SLC39A10: variants seen among roughly 807,000 people sequenced by gnomAD.
The protein encoded by SLC39A10 is solute carrier family 39 member 10.
A neutral mutation model predicts 65.1 loss-of-function variants in SLC39A10; 13 were observed. The ratio of observed to expected loss-of-function variants is 0.20; its 90% CI spans 0.13 to 0.32. SLC39A10 has a LOEUF of 0.32. SLC39A10 is among the 10% of genes least tolerant of loss of function. SLC39A10 has a pLI of 1.00. For synonymous variants in SLC39A10, 321 were observed against 342.2 expected, an observed-to-expected ratio of 0.94 and a Z score of 0.68; for missense variants, 831 against 1,018.4, an observed-to-expected ratio of 0.82 and a Z score of 2.50.
intron 2 of SLC39A10, among the ~76,000 whole-genome samples, chr2:195,648,044 A>G (rs1688960870): frequency 6.6e-6 from 1 of 152,174 alleles, no homozygotes; most frequent in Non-Finnish European, 1.5e-5. Flanking sequence ...CCAGGCTAGA[A>G]TGCAGTGACA....
intron 1 of SLC39A10, among the ~76,000 whole-genome samples, chr2:195,661,411 T>G (rs1192400745): frequency 6.6e-6 from 1 of 152,182 alleles, no homozygotes; most frequent in African/African-American, 2.4e-5. Flanking sequence ...ATAGTATGTA[T>G]TTATTTATAT....
chr2:195,668,594 A>C (rs1401035574), intron 1 of SLC39A10, among the ~76,000 whole-genome samples: 1 of 152,248 alleles, frequency 6.6e-6, no homozygotes, highest in East Asian at 1.9e-4. Context: ...CATGGGTATG[A>C]AAGAAAGAAT....
rs1692557964 is a variant in SLC39A10 at position 195,735,385 on chromosome 2, A to G, written c.*344A>G. On this transcript the variant is annotated 3_prime_UTR_variant, in exon 10 of 10. Coordinates refer to ENST00000359634, the MANE Select transcript of SLC39A10 (RefSeq NM_020342.3). ...CTATGCAGAAATAGAGATCGAACCAAAAAAAATCATTTAAACTTTAAAAAT... is the reference window on the plus strand; with the variant it reads ...CTATGCAGAAATAGAGATCGAACCAGAAAAAATCATTTAAACTTTAAAAAT... The G allele has an allele frequency of 6.0e-6, 1 of 166,144 alleles. No homozygotes were observed. The highest frequency in any genetic ancestry group is 1.3e-5 in the Non-Finnish European group (1 of 77,778). The allele number at this position is 166,144 out of a possible 1,614,324, so 10.3% of individuals were successfully genotyped here. A position where few individuals can be genotyped will look rare whatever the true frequency, so the allele number is the denominator to read the frequency against.
intron 2 of SLC39A10, among the ~76,000 whole-genome samples, chr2:195,648,195 G>A (rs1559014548): frequency 3.9e-5 from 6 of 152,064 alleles, no homozygotes; most frequent in Admixed American, 3.9e-4. Flanking sequence ...AAGAGGTCTC[G>A]CTATGTTGTC....
chr2:195,683,034 G>A (rs942795755), intron 2 of SLC39A10, among the ~76,000 whole-genome samples: 20 of 152,016 alleles, frequency 1.3e-4, no homozygotes, highest in Admixed American at 1.2e-3. Context: ...CTCTTTTGCC[G>A]TAATATTAGA....
intron 1 of SLC39A10, among the ~76,000 whole-genome samples, chr2:195,674,852 C>T (rs561178264): frequency 1.4e-4 from 18 of 125,722 alleles, no homozygotes; most frequent in African/African-American, 4.2e-4. Flanking sequence ...AGTTGTGATA[C>T]AATAGTAAAT....
chr2:195,705,865 A>G (rs1325391022), intron 3 of SLC39A10, among the ~76,000 whole-genome samples: 1 of 152,160 alleles, frequency 6.6e-6, no homozygotes, highest in Non-Finnish European at 1.5e-5. Flanking sequence ...GACCTAGATA[A>G]AGACATGTAT....
At chr2:195,726,478 C>T (rs1337496158) in intron 8 of SLC39A10, among the ~76,000 whole-genome samples, 1 of 151,964 alleles carries the variant, frequency 6.6e-6, no homozygotes, top group East Asian at 1.9e-4. Flanking sequence ...ATTAACGAAA[C>T]TCCAGGAGAG....
chr2:195,658,844 TAAAAC>T (rs1456050053), intron 1 of SLC39A10, among the ~76,000 whole-genome samples: 1 of 152,174 alleles, frequency 6.6e-6, no homozygotes, highest in Non-Finnish European at 1.5e-5. Context: ...GTGAAGAAAA[TAAAAC>T]AATGATGTGC....
At chr2:195,656,577 G>C (rs1172708108), upstream of SLC39A10, among the ~76,000 whole-genome samples, 1 of 152,206 alleles carries the variant, frequency 6.6e-6, no homozygotes, top group African/African-American at 2.4e-5. Context: ...AAGACCCGCA[G>C]TAAGTGTGCT....
intron 9 of SLC39A10, among the ~76,000 whole-genome samples, chr2:195,734,628 T>C (rs943830054): frequency 6.6e-6 from 1 of 152,194 alleles, no homozygotes; most frequent in African/African-American, 2.4e-5. Context: ...GAAAAATGAC[T>C]AATGTGCATA....
At chr2:195,660,579 C>T (rs879543382) in intron 1 of SLC39A10, among the ~76,000 whole-genome samples, 1 of 152,100 alleles carries the variant, frequency 6.6e-6, no homozygotes, top group Non-Finnish European at 1.5e-5. Context: ...ATTTTAGTTT[C>T]CTCTGGGTAG....
intron 3 of SLC39A10, among the ~76,000 whole-genome samples, chr2:195,701,092 C>T (rs199574263): frequency 1.5e-5 from 2 of 136,740 alleles, no homozygotes; most frequent in Non-Finnish European, 3.0e-5. Flanking sequence ...CCCTCCAGGT[C>T]CCATAGGCTC....
At chr2:195,632,190 T>C (rs1185579036) in intron 2 of SLC39A10, among the ~76,000 whole-genome samples, 2 of 149,976 alleles carry the variant, frequency 1.3e-5, no homozygotes, top group Non-Finnish European at 3.0e-5. Flanking sequence ...ACCACACCCA[T>C]CATCATGCCC....
chr2:195,669,876 T>C (rs1689784581), intron 1 of SLC39A10, among the ~76,000 whole-genome samples: 1 of 152,136 alleles, frequency 6.6e-6, no homozygotes, highest in Non-Finnish European at 1.5e-5. Flanking sequence ...AAAAAGGTTT[T>C]TGAGCTGGGC....
intron 1 of SLC39A10, among the ~76,000 whole-genome samples, chr2:195,679,153 A>G (rs1040391637): frequency 2.6e-5 from 4 of 152,220 alleles, no homozygotes; most frequent in Non-Finnish European, 1.5e-5. Flanking sequence ...AGTGGTGGCT[A>G]CCATTGAATT....
chr2:195,731,264 C>T (rs536980183), intron 9 of SLC39A10, among the ~76,000 whole-genome samples: 4 of 152,270 alleles, frequency 2.6e-5, no homozygotes, highest in African/African-American at 7.2e-5. Flanking sequence ...GGACATTCTG[C>T]GTCAGGGCTG....
At chr2:195,676,555 T>A (rs1397990941) in intron 1 of SLC39A10, among the ~76,000 whole-genome samples, 1 of 152,208 alleles carries the variant, frequency 6.6e-6, no homozygotes, top group Non-Finnish European at 1.5e-5. Flanking sequence ...AGGTTTTTAA[T>A]GTTCTTGGAA....
chr2:195,708,831 A>G lies in SLC39A10; in HGVS notation c.1562A>G (p.Tyr521Cys). 2.5e-6 allele frequency: 4 copies of G among 1,601,768 alleles called. No individual in the cohort carries two copies. The highest frequency in any genetic ancestry group is 3.4e-6 in the Non-Finnish European group (4 of 1,175,758). ...CACTGCATTAGAATGTTTAAGCACT[A>G]CAAACAACAAAGAGTAAGTATTTTT... ...IEHCIRMFKH[Y>C]KQQRGKQKWF... Residue 521 changes from tyrosine to cysteine, a missense_variant, in exon 5 of 10, where the codon TAC (tyrosine) becomes TGC (cysteine). By Grantham distance (194) the Tyr-to-Cys change is radical. Transcript: ENST00000359634.
Sources: gnomAD v4.1 joint callset for allele counts (sites outside exome capture counted in the v4.1 genomes callset) on GRCh38, gnomAD v4.1.1 for gene constraint, MANE v1.5 for transcripts, NCBI Gene and HGNC (gene_info 2026-07-23, HGNC 2026-07-21) for gene names.